KAZN: variants seen among roughly 807,000 people sequenced by gnomAD.
KAZN encodes the protein kazrin.
KAZN carries 40 observed loss-of-function variants against 87.4 expected under a neutral mutation model. That is an observed-to-expected ratio of 0.46 (90% CI 0.36 to 0.60). KAZN has a LOEUF of 0.60. Among genes scored for constraint, KAZN ranks in the 20% least tolerant of loss-of-function variants. The pLI is 0.00. For synonymous variants in KAZN, 466 were observed against 458.3 expected (o/e 1.02, Z -0.22); for missense variants, 898 against 1,073.9 (o/e 0.84, Z 2.29).
At chr1:14,603,096 T>C (rs1246609588) in intron 1 of KAZN, among the ~76,000 whole-genome samples, 1 of 152,244 alleles carries the variant, frequency 6.6e-6, no homozygotes, top group Non-Finnish European at 1.5e-5. Flanking sequence ...AAATTACCTT[T>C]GGAGTGAATT....
At chr1:14,864,644 A>C (rs151214374) in intron 1 of KAZN, among the ~76,000 whole-genome samples, 5 of 152,256 alleles carry the variant, frequency 3.3e-5, no homozygotes, top group African/African-American at 1.2e-4. Context: ...TTGAAGTTGA[A>C]ATGGTGGCAA....
intron 1 of KAZN, among the ~76,000 whole-genome samples, chr1:14,763,578 G>A (rs1644803082): frequency 6.6e-6 from 1 of 152,170 alleles, no homozygotes; most frequent in Non-Finnish European, 1.5e-5. Context: ...CAATTGCAGT[G>A]AGCTCGGAAT....
intron 1 of KAZN, among the ~76,000 whole-genome samples, chr1:14,097,295 G>T (rs1300569827): frequency 6.6e-6 from 1 of 152,208 alleles, no homozygotes; most frequent in Non-Finnish European, 1.5e-5. Flanking sequence ...GAAAACTATT[G>T]CAATAGTCCA....
intron 2 of KAZN, among the ~76,000 whole-genome samples, chr1:14,337,988 G>C (rs1474712341): frequency 6.6e-6 from 1 of 151,898 alleles, no homozygotes; most frequent in East Asian, 1.9e-4. Flanking sequence ...GTGTTCACTG[G>C]CTTACCTTCT....
intron 2 of KAZN, among the ~76,000 whole-genome samples, chr1:14,475,851 T>A (rs1314076581): frequency 1.3e-5 from 2 of 152,318 alleles, no homozygotes; most frequent in African/African-American, 2.4e-5. Flanking sequence ...ATTTTTTTTT[T>A]AATTCCTGTC....
intron 2 of KAZN, among the ~76,000 whole-genome samples, chr1:14,260,919 C>T (rs1383969249): frequency 6.6e-6 from 1 of 152,182 alleles, no homozygotes; most frequent in Non-Finnish European, 1.5e-5. Flanking sequence ...AGGGTGCATG[C>T]TCCCACTCAT....
intron 1 of KAZN, among the ~76,000 whole-genome samples, chr1:14,148,974 G>A (rs545525264): frequency 6.6e-6 from 1 of 152,040 alleles, no homozygotes; most frequent in African/African-American, 2.4e-5. Context: ...GCTGTAGGGT[G>A]TTCTGTAGTT....
chr1:14,903,095 C>G (rs1175977965), intron 1 of KAZN, among the ~76,000 whole-genome samples: 1 of 152,032 alleles, frequency 6.6e-6, no homozygotes, highest in East Asian at 1.9e-4. Flanking sequence ...TCTCAAACTC[C>G]TGACCTCAAG....
At chr1:14,017,956 C>T (rs1471289858) in intron 1 of KAZN, among the ~76,000 whole-genome samples, 5 of 152,090 alleles carry the variant, frequency 3.3e-5, no homozygotes, top group Non-Finnish European at 5.9e-5. Context: ...TAACAGCTGA[C>T]GTTTACTAAG....
chr1:14,632,180 G>C (rs1348840521), intron 1 of KAZN, among the ~76,000 whole-genome samples: 1 of 152,166 alleles, frequency 6.6e-6, no homozygotes, highest in Non-Finnish European at 1.5e-5. Context: ...AAGGCTTTCT[G>C]GGGTGGGGAC....
intron 2 of KAZN, among the ~76,000 whole-genome samples, chr1:14,438,286 G>A (rs1370297044): frequency 6.6e-6 from 1 of 152,166 alleles, no homozygotes; most frequent in Non-Finnish European, 1.5e-5. Flanking sequence ...CTGGGGATAT[G>A]TCAATGAGCA....
intron 1 of KAZN, among the ~76,000 whole-genome samples, chr1:14,736,254 GGT>G (rs528070001): frequency 0.22 from 25,020 of 114,120 alleles, 2,457 homozygotes; most frequent in Middle Eastern, 0.34. Context: ...GGGACTCAAG[GGT>G]GTGTGTGTGT....
rs1676773487 is a variant in KAZN at position 14,599,458 on chromosome 1, C to T, written c.226+235C>T. Among the ~76,000 whole-genome samples the T allele has an allele frequency of 1.3e-5, 2 of 152,202 alleles. No homozygotes were observed. The highest frequency in any genetic ancestry group is 2.9e-5 in the Non-Finnish European group (2 of 68,034). ...CGGGGTCACACGGTCACACCGGCCCCGGCCAGCCTGAGCGAGGCGCAGCCG... is the reference window on the plus strand; with the variant it reads ...CGGGGTCACACGGTCACACCGGCCCTGGCCAGCCTGAGCGAGGCGCAGCCG... On this transcript the variant is annotated intron_variant, in intron 1 of 14. Transcript: ENST00000376030. This position sits in a 1 kb window ranked among gnomAD's most constrained non-coding sequence, Gnocchi z 4.4.
intron 1 of KAZN, among the ~76,000 whole-genome samples, chr1:13,977,212 T>A (rs12402833): frequency 0.15 from 23,415 of 152,210 alleles, 1,972 homozygotes; most frequent in Middle Eastern, 0.18. Context: ...ATATTATCCG[T>A]CTGATGCCAC....
intron 2 of KAZN, among the ~76,000 whole-genome samples, chr1:14,205,903 A>AAAAAAAAAAAAAAAAAAAAAAC (rs1646732540): frequency 1.8e-5 from 1 of 55,002 alleles, no homozygotes; most frequent in Non-Finnish European, 3.2e-5. Flanking sequence ...AAAAAAAAAA[A>AAAAAAAAAAAAAAAAAAAAAAC]AAAGCTACCT....
At chr1:14,792,992 C>A (rs900404711) in intron 1 of KAZN, among the ~76,000 whole-genome samples, 30 of 115,946 alleles carry the variant, frequency 2.6e-4, no homozygotes, top group Non-Finnish European at 4.1e-4. Context: ...AAAAAAAAAA[C>A]ATTCAGGACA....
intron 1 of KAZN, among the ~76,000 whole-genome samples, chr1:14,638,778 C>G (rs1420906773): frequency 6.6e-6 from 1 of 152,044 alleles, no homozygotes; most frequent in Non-Finnish European, 1.5e-5. Context: ...CAATCTAGGC[C>G]GCCATCAATT....
intron 8 of KAZN, among the ~76,000 whole-genome samples, chr1:15,072,556 C>G (rs564933906): frequency 5.9e-5 from 9 of 152,336 alleles, no homozygotes. Context: ...GTCTGGAAGT[C>G]AGGGCTGCCT....
intron 1 of KAZN, among the ~76,000 whole-genome samples, chr1:14,062,582 T>C (rs1193686043): frequency 6.6e-6 from 1 of 152,168 alleles, no homozygotes; most frequent in African/African-American, 2.4e-5. Context: ...TGTTCAGTAA[T>C]CTATCAGATA....
Sources: allele counts gnomAD v4.1 joint callset (sites outside exome capture counted in the v4.1 genomes callset), GRCh38; gene constraint gnomAD v4.1.1; non-coding constraint Gnocchi (gnomAD v3.1); transcripts MANE v1.5; gene names NCBI Gene and HGNC (gene_info 2026-07-23, HGNC 2026-07-21).